Variants in KANSL3 observed in about 807,000 individuals in gnomAD.
KANSL3 encodes KAT8 regulatory NSL complex subunit 3.
A neutral mutation model predicts 89.2 loss-of-function variants in KANSL3; 16 were observed. The ratio of observed to expected loss-of-function variants is 0.18; its 90% CI spans 0.12 to 0.27. KANSL3 has a LOEUF of 0.27. KANSL3 is among the 10% of genes least tolerant of loss of function. KANSL3 has a pLI of 1.00. For synonymous variants in KANSL3, 385 were observed against 419.7 expected (o/e 0.92, Z 1.01); for missense variants, 879 against 1,110.6 (o/e 0.79, Z 2.96).
chr2:96,610,746 C>T lies in KANSL3; in HGVS notation c.1299G>A (p.Gly433=), dbSNP rs758631213. 1 of 1,613,984 alleles carries T rather than the reference C, an allele frequency of 6.2e-7. No homozygotes were observed. The highest frequency in any genetic ancestry group is 8.5e-7 in the Non-Finnish European group (1 of 1,179,882). The change falls in exon 11 of 21, where the codon GGG becomes GGA. Residue 433 remains glycine (G), a synonymous_variant. Transcript: ENST00000431828. Reference sequence around the variant, plus strand: ...CCCACCTGAGATTGTCATCAGCTCCCCCAACCACCACCAAGCTGTTCTCAG... The same window carrying T: ...CCCACCTGAGATTGTCATCAGCTCCTCCAACCACCACCAAGCTGTTCTCAG... The part of the protein sequence containing the change: ...IRAENSLVVV[G]GADDNLRISK...
intron 17 of KANSL3, chr2:96,603,660 A>T (rs1363810001): frequency 6.6e-6 from 1 of 152,488 alleles, no homozygotes; most frequent in African/African-American, 2.4e-5. Context: ...AGTGGGTAGG[A>T]CAAAGAGAGA....
At chr2:96,625,558 T>C (rs2072139483) in intron 3 of KANSL3, among the ~76,000 whole-genome samples, 1 of 152,236 alleles carries the variant, frequency 6.6e-6, no homozygotes, top group Non-Finnish European at 1.5e-5. Flanking sequence ...GTATTAATTC[T>C]GCAATCCAAA....
chr2:96,604,256 G>C lies in KANSL3; in HGVS notation c.2143C>G (p.Leu715Val), dbSNP rs774285897. 1 of 1,605,520 alleles carries C rather than the reference G, an allele frequency of 6.2e-7. No individual in the cohort carries two copies. Among genetic ancestry groups the C allele is most frequent in the East Asian group, 2.2e-5 (1 of 44,484 alleles). ...RLVATSPGSS[L>V]PGATSASSLL... ...ATGCTGGGCCACAAGATACCTGGGA[G>C]GGAGCTGCCAGGAGATGTGGCCACC... Residue 715 changes from leucine to valine, a missense_variant, in exon 17 of 21, where the codon CTC (leucine) becomes GTC (valine). Physicochemically the swap from Leu to Val is conservative, Grantham distance 32. Transcript: ENST00000431828.
chr2:96,619,860 T>C, intron 3 of KANSL3, 98 bp from the exon 4 acceptor site: 1 of 978,116 alleles, frequency 1.0e-6, no homozygotes, highest in Non-Finnish European at 1.5e-6. Flanking sequence ...TTTATGTCTC[T>C]GCTAGGGAAC....
chr2:96,612,602 G>A, intron 7 of KANSL3, 39 bp from the exon 8 acceptor site: 2 of 1,532,394 alleles, frequency 1.3e-6, no homozygotes, highest in South Asian at 2.3e-5. Context: ...GCAGAGGTAA[G>A]TTTCAAATCT....
chr2:96,613,888 T>A (rs1031567195), intron 5 of KANSL3, among the ~76,000 whole-genome samples: 3 of 152,228 alleles, frequency 2.0e-5, no homozygotes, highest in African/African-American at 7.2e-5. Flanking sequence ...TTCCAAATGT[T>A]TCTACTTCTG....
At chr2:96,610,686 G>GT (rs2068776341) in intron 11 of KANSL3, 40 bp downstream of exon 11, 1 of 1,609,042 alleles carries the variant, frequency 6.2e-7, no homozygotes, top group Admixed American at 1.7e-5. Context: ...CTCTAACACT[G>GT]TAACACAGCT....
At chr2:96,580,928 A>T in the KANSL3 span, among the ~76,000 whole-genome samples, 2 of 152,234 alleles carry the variant, frequency 1.3e-5, no homozygotes, top group African/African-American at 4.8e-5. Context: ...ACTCAGAACC[A>T]GTGCTGCCAC....
intron 5 of KANSL3, among the ~76,000 whole-genome samples, chr2:96,617,779 C>T (rs922380602): frequency 1.3e-5 from 2 of 151,666 alleles, no homozygotes; most frequent in African/African-American, 4.8e-5. Flanking sequence ...GGGCGGATCA[C>T]GAGGTCAGGA....
chr2:96,637,615 G>A (rs923945414), intron 1 of KANSL3, among the ~76,000 whole-genome samples: 1 of 152,196 alleles, frequency 6.6e-6, no homozygotes, highest in Non-Finnish European at 1.5e-5. Context: ...GAAGGGAGCC[G>A]GGGCCGCAGC....
chr2:96,580,931 G>A, the KANSL3 span, among the ~76,000 whole-genome samples: 573 of 152,286 alleles, frequency 3.8e-3, 2 homozygotes, highest in South Asian at 6.0e-3. Flanking sequence ...CAGAACCAGT[G>A]CTGCCACCTC....
chr2:96,582,921 CAT>C, the KANSL3 span, among the ~76,000 whole-genome samples: 12 of 152,338 alleles, frequency 7.9e-5, no homozygotes, highest in East Asian at 3.9e-4. Context: ...CTAACACACA[CAT>C]GTGTAGTTTA....
At chr2:96,627,982 C>T (rs1298145826) in intron 3 of KANSL3, 1 of 1,289,982 alleles carries the variant, frequency 7.8e-7, no homozygotes, top group Non-Finnish European at 1.0e-6. Flanking sequence ...TCTCATCAGA[C>T]ACTAAGAAAA....
chr2:96,619,067 G>A (rs1022485850), intron 5 of KANSL3, among the ~76,000 whole-genome samples: 2 of 152,136 alleles, frequency 1.3e-5, no homozygotes, highest in Admixed American at 6.5e-5. Flanking sequence ...TCTCCTTCAT[G>A]ATAATTCAAT....
intron 5 of KANSL3, among the ~76,000 whole-genome samples, chr2:96,614,695 C>T (rs543682514): frequency 2.7e-5 from 4 of 150,162 alleles, no homozygotes; most frequent in African/African-American, 7.4e-5. Context: ...CACCTGAACC[C>T]GGGAGGTGGA....
chr2:96,620,940 T>C (rs1187001368), intron 3 of KANSL3, among the ~76,000 whole-genome samples: 2 of 152,014 alleles, frequency 1.3e-5, no homozygotes, highest in African/African-American at 4.8e-5. Flanking sequence ...AGGTTGAGGC[T>C]GCAGTGAGCC....
rs943818021 is a variant in KANSL3 at position 96,602,169 on chromosome 2, G to A, written c.2429C>T (p.Ala810Val). The A allele has an allele frequency of 6.2e-7, 1 of 1,601,218 alleles. No homozygotes were observed. The highest frequency in any genetic ancestry group is 8.5e-7 in the Non-Finnish European group (1 of 1,174,108). ...GCCAGGGAGGCTGCTTGCCAACTTA[G>A]CGAGGCCCCCATTGGTCAGCAGCTG... ...IHQLLTNGGL[A>V]KLASSLPGLA... Residue 810 changes from alanine (A) to valine (V), a missense_variant, in exon 19 of 21, where the codon GCT (alanine) becomes GTT (valine). Ala to Val is a moderately conservative substitution (Grantham distance 64). Around this residue, in one of 6 missense-constraint regions of KANSL3, gnomAD observed 89 missense variants for 139.7 expected, o/e 0.64. Transcript: ENST00000431828.
At chr2:96,613,767 T>C (rs942182609) in intron 5 of KANSL3, 148 bp from the exon 6 acceptor site, 8 of 623,726 alleles carry the variant, frequency 1.3e-5, no homozygotes, top group African/African-American at 5.6e-5. Context: ...CAAGAATATA[T>C]ATAAATAAGC....
chr2:96,620,894 C>T (rs1333999201), intron 3 of KANSL3, among the ~76,000 whole-genome samples: 5 of 151,818 alleles, frequency 3.3e-5, no homozygotes, highest in South Asian at 2.1e-4. Context: ...CCCAGCTACT[C>T]GGGAGCCTGA....
Sources: gnomAD v4.1 joint callset for allele counts (sites outside exome capture counted in the v4.1 genomes callset) on GRCh38, gnomAD v4.1.1 for gene constraint, gnomAD v4.1.1 regional missense constraint, MANE v1.5 for transcripts, NCBI Gene and HGNC (gene_info 2026-07-23, HGNC 2026-07-21) for gene names.